Variants in RBFOX3 observed in about 807,000 individuals in gnomAD.
RBFOX3 encodes the protein RNA binding protein fox-1 homolog 3.
A neutral mutation model predicts 48.7 loss-of-function variants in RBFOX3; 17 were observed. The observed-to-expected ratio is 0.35, with a 90% CI of 0.24 to 0.52. The LOEUF is 0.52. Ranked by LOEUF, RBFOX3 falls within the 20% of genes least tolerant of loss-of-function variation. The pLI is 0.94. For synonymous variants in RBFOX3, 212 were observed against 209.5 expected (o/e 1.01, Z -0.10); for missense variants, 382 against 497.5 (o/e 0.77, Z 2.21).
At chr17:79,095,049 T>TA (rs971471925) in intron 13 of RBFOX3, among the ~76,000 whole-genome samples, 2 of 152,042 alleles carry the variant, frequency 1.3e-5, no homozygotes, top group African/African-American at 2.4e-5. Context: ...CGGCACCCTG[T>TA]ACACCACACT....
intron 2 of RBFOX3, among the ~76,000 whole-genome samples, chr17:79,329,756 C>A (rs567001790): frequency 6.6e-6 from 1 of 152,310 alleles, no homozygotes; most frequent in Admixed American, 6.5e-5. Flanking sequence ...ATTCACCCCT[C>A]GCTCTCCCAG....
intron 4 of RBFOX3, among the ~76,000 whole-genome samples, chr17:79,147,316 T>C (rs1418423402): frequency 6.6e-6 from 1 of 152,240 alleles, no homozygotes; most frequent in African/African-American, 2.4e-5. Context: ...TCACCAGCCC[T>C]ACGCAGCCCA....
chr17:79,656,169 G>A, the RBFOX3 span, among the ~76,000 whole-genome samples: 1 of 152,160 alleles, frequency 6.6e-6, no homozygotes, highest in Non-Finnish European at 1.5e-5. Context: ...CAACCCAGGG[G>A]CCGGCCAACT....
chr17:79,650,960 G>C, the RBFOX3 span, among the ~76,000 whole-genome samples: 1 of 152,196 alleles, frequency 6.6e-6, no homozygotes, highest in East Asian at 1.9e-4. Context: ...CTCTCCAAGA[G>C]CCCTGCACCC....
At chr17:79,208,823 T>A in intron 4 of RBFOX3, among the ~76,000 whole-genome samples, 1 of 152,018 alleles carries the variant, frequency 6.6e-6, no homozygotes, top group East Asian at 1.9e-4. Flanking sequence ...TCTTTCTTTT[T>A]TTTTTTGTTT....
chr17:79,096,365 T>G (rs2075258494), intron 12 of RBFOX3, among the ~76,000 whole-genome samples: 2 of 152,194 alleles, frequency 1.3e-5, no homozygotes, highest in African/African-American at 4.8e-5. Flanking sequence ...AGAGTCCCAC[T>G]GCCCCCATTA....
intron 2 of RBFOX3, among the ~76,000 whole-genome samples, chr17:79,373,709 C>T (rs2058852959): frequency 6.6e-6 from 1 of 152,230 alleles, no homozygotes; most frequent in African/African-American, 2.4e-5. Context: ...AGCTCCCCCT[C>T]AACCCCCGAG....
chr17:79,487,672 G>A lies in RBFOX3; in HGVS notation c.-319-5074C>T, dbSNP rs1235397547. Reference sequence around the variant, plus strand: ...TCTGATGAAAATTCCAGCACTTTGGGACGCTGAGGTGGGTGGATCACGAGG... The same window carrying A: ...TCTGATGAAAATTCCAGCACTTTGGAACGCTGAGGTGGGTGGATCACGAGG... On this transcript the variant is annotated intron_variant, in intron 1 of 14. Coordinates refer to ENST00000693108, the MANE Select transcript of RBFOX3 (RefSeq NM_001350451.2). 2.6e-5 allele frequency among the ~76,000 whole-genome samples: 4 copies of A among 152,126 alleles called. No homozygotes were observed. In the East Asian group the frequency reaches 7.7e-4, roughly 29 times the overall value.
intron 1 of RBFOX3, among the ~76,000 whole-genome samples, chr17:79,498,215 C>T (rs1411831049): frequency 3.3e-5 from 5 of 152,178 alleles, no homozygotes; most frequent in South Asian, 2.1e-4. Context: ...TCAGGGATCC[C>T]GCCATGACAT....
At chr17:79,464,346 G>A (rs782071946) in intron 2 of RBFOX3, among the ~76,000 whole-genome samples, 8 of 152,384 alleles carry the variant, frequency 5.2e-5, no homozygotes, top group African/African-American at 9.6e-5. Flanking sequence ...GAATGTTTAC[G>A]TGGACGGGCC....
chr17:79,425,073 T>C (rs192256608), intron 2 of RBFOX3, among the ~76,000 whole-genome samples: 284 of 152,216 alleles, frequency 1.9e-3, no homozygotes, highest in African/African-American at 6.6e-3. Context: ...AAATCTGTGC[T>C]CCTTACCCAA....
chr17:79,343,577 T>G (rs2082422053), intron 2 of RBFOX3, among the ~76,000 whole-genome samples: 1 of 152,022 alleles, frequency 6.6e-6, no homozygotes, highest in Non-Finnish European at 1.5e-5. Flanking sequence ...GAAAATGTCA[T>G]TTAGCTTCTT....
At chr17:79,593,034 G>A (rs910308481) in intron 1 of RBFOX3, among the ~76,000 whole-genome samples, 2 of 152,202 alleles carry the variant, frequency 1.3e-5, no homozygotes, top group Admixed American at 1.3e-4. Context: ...GGAGGTGGGG[G>A]TCAGGGAAGG....
At chr17:79,435,448 C>T (rs1305435358) in intron 2 of RBFOX3, among the ~76,000 whole-genome samples, 1 of 152,246 alleles carries the variant, frequency 6.6e-6, no homozygotes, top group Non-Finnish European at 1.5e-5. Flanking sequence ...GGATCTGCCG[C>T]TGTGTGGCAC....
chr17:79,664,440 G>A, the RBFOX3 span, among the ~76,000 whole-genome samples: 1 of 151,834 alleles, frequency 6.6e-6, no homozygotes, highest in African/African-American at 2.4e-5. Flanking sequence ...CCGCCCCCCG[G>A]GGTTCACGCC....
intron 4 of RBFOX3, among the ~76,000 whole-genome samples, chr17:79,133,027 G>T (rs753063401): frequency 4.6e-5 from 7 of 152,178 alleles, no homozygotes; most frequent in Non-Finnish European, 8.8e-5. Flanking sequence ...CAGGTAGGGG[G>T]AGCTGCCAAG....
chr17:79,263,540 G>A (rs1056649360), intron 3 of RBFOX3, among the ~76,000 whole-genome samples: 4 of 152,196 alleles, frequency 2.6e-5, no homozygotes, highest in Non-Finnish European at 5.9e-5. Context: ...GTGGCCACTG[G>A]AGAGGAGGCA....
At chr17:79,507,699 T>C (rs1275849969) in intron 1 of RBFOX3, among the ~76,000 whole-genome samples, 15 of 152,320 alleles carry the variant, frequency 9.8e-5, no homozygotes, top group Non-Finnish European at 2.2e-4. Flanking sequence ...GAGATGTCCA[T>C]GAGGTCTCTT....
At chr17:79,370,658 TCACA>T (rs1160938608) in intron 2 of RBFOX3, among the ~76,000 whole-genome samples, 7 of 150,774 alleles carry the variant, frequency 4.6e-5, no homozygotes, top group African/African-American at 1.7e-4. Flanking sequence ...GTGTGCTCAC[TCACA>T]CAGGCACACA....
Sources: gnomAD v4.1 joint callset for allele counts (sites outside exome capture counted in the v4.1 genomes callset) on GRCh38, gnomAD v4.1.1 for gene constraint, MANE v1.5 for transcripts, NCBI Gene and HGNC (gene_info 2026-07-23, HGNC 2026-07-21) for gene names.